RPH3AL: variants seen among roughly 807,000 people sequenced by gnomAD.
RPH3AL encodes rabphilin 3A like (without C2 domains).
A neutral mutation model predicts 43.1 loss-of-function variants in RPH3AL; 38 were observed. The ratio of observed to expected loss-of-function variants is 0.88; its 90% CI spans 0.68 to 1.15. The LOEUF (loss-of-function observed/expected upper bound fraction) is 1.15, where lower values mean the gene tolerates loss of function less well. Ranked by LOEUF, RPH3AL falls within the 50% of genes most tolerant of loss-of-function variation. The probability of loss-of-function intolerance (pLI) is 0.00; values close to 1 mark genes in which losing one functional copy is unlikely to be tolerated. For missense variants in RPH3AL, 462 were observed against 423.2 expected (o/e 1.09, Z -0.81); for synonymous variants, 189 against 176.3 (o/e 1.07, Z -0.57).
intron 6 of RPH3AL, chr17:247,510 A>C (rs1263262689): frequency 3.9e-6 from 2 of 517,064 alleles, no homozygotes; most frequent in Non-Finnish European, 6.8e-6. Context: ...TTTAGAGTTG[A>C]GGACTTGCTC....
intron 7 of RPH3AL, among the ~76,000 whole-genome samples, chr17:243,406 C>A (rs1555538136): frequency 7.0e-6 from 1 of 142,634 alleles, no homozygotes; most frequent in African/African-American, 2.6e-5. Context: ...CTATTGACTA[C>A]CTTCCTCTAT....
At chr17:260,456 C>A (rs566275520) in intron 6 of RPH3AL, among the ~76,000 whole-genome samples, 1 of 152,256 alleles carries the variant, frequency 6.6e-6, no homozygotes, top group South Asian at 2.1e-4. Context: ...TACTGACCGA[C>A]CACATGAACA....
Position 345,888 on chromosome 17 carries a change from G to A in RPH3AL, c.-213+6824C>T, listed in dbSNP as rs566656139. Among the ~76,000 whole-genome samples, 22 of 135,236 alleles carry A rather than the reference G, an allele frequency of 1.6e-4. 5 individuals are homozygous for A. The highest frequency in any genetic ancestry group is 2.7e-4 in the Non-Finnish European group (16 of 59,240). The allele number at this position is 135,236 out of a possible 152,430, so 88.7% of individuals were successfully genotyped here. ...TGCTCCCCACCTGCACACACACCCC[G>A]ACTTTGCACTGTAAGGACAAATGGG... On this transcript the variant is annotated intron_variant, in intron 1 of 9. Transcript: ENST00000331302.
Position 328,162 on chromosome 17 carries a change from T to C in RPH3AL, c.-36-583A>G, listed in dbSNP as rs1335414091. On this transcript the variant is annotated intron_variant, in intron 2 of 9. Transcript: ENST00000331302. This position sits in a 1 kb window ranked among gnomAD's most constrained non-coding sequence, Gnocchi z 4.2. ...GCACCATGCCAAGGGGAGCCGTCCA[T>C]AGACACTGCCATGAAAATGGCACCT... Among the ~76,000 whole-genome samples, 1 of 151,722 alleles carries C rather than the reference T, an allele frequency of 6.6e-6. No individual in the cohort carries two copies. Among genetic ancestry groups the C allele is most frequent in the African/African-American group, 2.4e-5 (1 of 41,270 alleles).
At chr17:298,512 T>C (rs1206376871) in intron 5 of RPH3AL, among the ~76,000 whole-genome samples, 2 of 149,506 alleles carry the variant, frequency 1.3e-5, no homozygotes, top group Admixed American at 6.7e-5. Flanking sequence ...GCCTGGTCAA[T>C]ACAGCGAAAC....
rs2044482018 is a variant in RPH3AL at position 321,647 on chromosome 17, GTT to G, written c.78-234_78-233del. 8 of 512,072 alleles carry G rather than the reference GTT, an allele frequency of 1.6e-5. No homozygotes were observed. The South Asian group carries it at 2.4e-4, about 15-fold the overall frequency. The allele number at this position is 512,072 out of a possible 1,614,324, so 31.7% of individuals were successfully genotyped here. ...GACGGCCCAGGTTCCGTGTGCCGGG[GTT>G]GGGATTGCGGGCAACAGAGACGGGG... is the stretch of plus-strand genomic sequence containing the variant. On this transcript the variant is annotated intron_variant, in intron 3 of 9. Coordinates refer to ENST00000331302, the MANE Select transcript of RPH3AL (RefSeq NM_006987.4).
chr17:265,533 T>C (rs1475313190), intron 6 of RPH3AL, among the ~76,000 whole-genome samples: 2 of 152,232 alleles, frequency 1.3e-5, no homozygotes, highest in Non-Finnish European at 2.9e-5. Context: ...AAATACTTGA[T>C]CTGCTGATGG....
chr17:271,796 C>T (rs988419379), intron 6 of RPH3AL, among the ~76,000 whole-genome samples: 9 of 152,176 alleles, frequency 5.9e-5, no homozygotes, highest in Non-Finnish European at 1.3e-4. Context: ...CCAGAGCTTC[C>T]AACAGTATGT....
intron 1 of RPH3AL, among the ~76,000 whole-genome samples, chr17:339,925 C>A (rs867695132): frequency 6.6e-6 from 1 of 152,084 alleles, no homozygotes; most frequent in Non-Finnish European, 1.5e-5. Flanking sequence ...GGCTGTTTCC[C>A]GGAGCAGGCA....
chr17:280,313 G>T (rs2042747821), intron 6 of RPH3AL, among the ~76,000 whole-genome samples: 1 of 152,144 alleles, frequency 6.6e-6, no homozygotes, highest in Non-Finnish European at 1.5e-5. Context: ...ACCTGGGAAA[G>T]GAGGCTGAAA....
intron 5 of RPH3AL, among the ~76,000 whole-genome samples, chr17:314,821 G>A (rs2043860013): frequency 6.7e-6 from 1 of 148,210 alleles, no homozygotes; most frequent in Non-Finnish European, 1.5e-5. Flanking sequence ...CCATTGACCT[G>A]TAGTCTCTGT....
At chr17:255,984 A>T (rs2042039716) in intron 6 of RPH3AL, among the ~76,000 whole-genome samples, 1 of 62,362 alleles carries the variant, frequency 1.6e-5, no homozygotes, top group Non-Finnish European at 3.4e-5. Context: ...CTATGAGGGG[A>T]GCTGCACGGT....
intron 7 of RPH3AL, among the ~76,000 whole-genome samples, chr17:229,854 C>T (rs1307310845): frequency 6.6e-6 from 1 of 152,202 alleles, no homozygotes; most frequent in East Asian, 1.9e-4. Flanking sequence ...GCTCTGAGGC[C>T]CAGAGGGCCT....
chr17:298,230 A>G (rs866427973), intron 5 of RPH3AL, among the ~76,000 whole-genome samples: 1 of 152,128 alleles, frequency 6.6e-6, no homozygotes, highest in Non-Finnish European at 1.5e-5. Flanking sequence ...TGCCCCCACC[A>G]GCTCAGTGTG....
At chr17:311,209 G>A (rs529350943) in intron 5 of RPH3AL, among the ~76,000 whole-genome samples, 43 of 152,274 alleles carry the variant, frequency 2.8e-4, no homozygotes, top group Admixed American at 2.0e-3. Flanking sequence ...TCTCAGCCTT[G>A]GAGGCAGCTG....
intron 5 of RPH3AL, among the ~76,000 whole-genome samples, chr17:298,715 A>AAAAC (rs1266097659): frequency 2.0e-5 from 3 of 151,418 alleles, no homozygotes; most frequent in Non-Finnish European, 2.9e-5. Context: ...AAAAAAAAAA[A>AAAAC]AAAACTCCCA....
At chr17:251,754 CCAGCCAA>C in intron 6 of RPH3AL, among the ~76,000 whole-genome samples, 1 of 152,224 alleles carries the variant, frequency 6.6e-6, no homozygotes, top group Admixed American at 6.5e-5. Context: ...CCATGGGGTG[CCAGCCAA>C]GGGCTCGCTA....
intron 6 of RPH3AL, among the ~76,000 whole-genome samples, chr17:272,139 C>A (rs1040478433): frequency 4.7e-4 from 71 of 152,150 alleles, no homozygotes; most frequent in African/African-American, 1.6e-3. Flanking sequence ...GAAATAGGAA[C>A]AATTTTACAC....
chr17:233,213 C>A (rs975191312), intron 7 of RPH3AL, among the ~76,000 whole-genome samples: 1 of 152,084 alleles, frequency 6.6e-6, no homozygotes, highest in African/African-American at 2.4e-5. Flanking sequence ...AGAGCCTGAT[C>A]TGAGAGCTGC....
Sources: gnomAD v4.1 joint callset for allele counts (sites outside exome capture counted in the v4.1 genomes callset) on GRCh38, gnomAD v4.1.1 for gene constraint, Gnocchi (gnomAD v3.1) non-coding constraint, MANE v1.5 for transcripts, NCBI Gene and HGNC (gene_info 2026-07-23, HGNC 2026-07-21) for gene names.